Variants in ABCB11 observed in about 807,000 individuals in gnomAD.
The protein encoded by ABCB11 is ATP binding cassette subfamily B member 11.
A neutral mutation model predicts 148.0 loss-of-function variants in ABCB11; 95 were observed. The observed-to-expected ratio is 0.64, with a 90% confidence interval of 0.54 to 0.76. The LOEUF is 0.76. ABCB11 is among the 30% of genes least tolerant of loss of function. The pLI is 0.00. For missense variants in ABCB11, 1,523 were observed against 1,617.8 expected (o/e 0.94, Z 1.01); for synonymous variants, 591 against 555.4 (o/e 1.06, Z -0.90).
intron 3 of ABCB11, among the ~76,000 whole-genome samples, chr2:169,015,267 C>T (rs1695318311): frequency 6.6e-6 from 1 of 152,156 alleles, no homozygotes; most frequent in Non-Finnish European, 1.5e-5. Context: ...CCCTCTTCTC[C>T]TTAAGCCAGG....
chr2:168,964,583 G>A (rs1693216492), intron 17 of ABCB11, among the ~76,000 whole-genome samples: 1 of 150,308 alleles, frequency 6.7e-6, no homozygotes, highest in Non-Finnish European at 1.5e-5. Context: ...GAGCAAAGCT[G>A]TCCTACCAGT....
At chr2:168,928,512 T>C (rs949998399) in intron 25 of ABCB11, among the ~76,000 whole-genome samples, 83 of 152,306 alleles carry the variant, frequency 5.4e-4, no homozygotes, top group Middle Eastern at 3.4e-3. Context: ...AAAATGTTTG[T>C]AGAAATGTTT....
chr2:168,937,011 G>A (rs1691864083), intron 21 of ABCB11, among the ~76,000 whole-genome samples: 1 of 151,982 alleles, frequency 6.6e-6, no homozygotes, highest in African/African-American at 2.4e-5. Flanking sequence ...GCCCCAGCAT[G>A]CTAAGTAGCT....
intron 10 of ABCB11, 92 bp downstream of exon 10, chr2:168,986,018 G>T: frequency 9.6e-7 from 1 of 1,044,864 alleles, no homozygotes; most frequent in Non-Finnish European, 1.3e-6. Flanking sequence ...TTTTCCTGAA[G>T]GCACCAAAGT....
chr2:169,019,789 G>A lies in ABCB11; in HGVS notation c.-27-1637C>T, dbSNP rs532235066. Among the ~76,000 whole-genome samples the A allele has an allele frequency of 3.9e-5, 6 of 152,222 alleles. No homozygotes were observed. In the East Asian group the frequency reaches 5.8e-4, roughly 15 times the overall value. On this transcript the variant is annotated intron_variant, in intron 1 of 27. Transcript: ENST00000650372. ...CAGAAGTTTTCTCATCAGCAATAGA[G>A]GCTAGAAAACAGTGGCGTAATGTCT...
chr2:168,969,728 C>T (rs919959760), intron 15 of ABCB11, among the ~76,000 whole-genome samples, 177 bp from the exon 16 acceptor site: 2 of 152,068 alleles, frequency 1.3e-5, no homozygotes, highest in African/African-American at 4.8e-5. Context: ...TAAACCCCAA[C>T]ACACACTGGC....
Position 168,927,243 on chromosome 2 carries a change from T to A in ABCB11, c.3531A>T (p.Gly1177=). ...ACSIMDNIKY[G]DNTKEIPMER... ...CCATGGGAATTTCTTTGGTGTTGTC[T>A]CCATACTTGATATTGTCCATTATGC... The change falls in exon 26 of 28, where the codon GGA becomes GGT. Residue 1177 remains glycine, a synonymous_variant. Coordinates refer to ENST00000650372, the MANE Select transcript of ABCB11 (RefSeq NM_003742.4). The A allele has an allele frequency of 6.2e-7, 1 of 1,613,896 alleles. No individual in the cohort carries two copies. The highest frequency in any genetic ancestry group is 8.5e-7 in the Non-Finnish European group (1 of 1,179,802).
At chr2:168,954,912 T>C (rs112417696) in intron 19 of ABCB11, among the ~76,000 whole-genome samples, 20 of 151,874 alleles carry the variant, frequency 1.3e-4, no homozygotes, top group African/African-American at 4.8e-4. Context: ...TACTTAGTCC[T>C]AGACATCTCA....
intron 11 of ABCB11, among the ~76,000 whole-genome samples, 170 bp from the exon 12 acceptor site, chr2:168,976,857 T>A (rs1322392271): frequency 6.6e-6 from 1 of 151,688 alleles, no homozygotes; most frequent in Non-Finnish European, 1.5e-5. Flanking sequence ...TTATTGTGCC[T>A]CTTAGTTTGC....
intron 10 of ABCB11, among the ~76,000 whole-genome samples, chr2:168,982,511 T>C (rs1201794496): frequency 6.6e-6 from 1 of 152,076 alleles, no homozygotes; most frequent in East Asian, 1.9e-4. Flanking sequence ...TTCTGCACCA[T>C]TCAGGTCCCC....
intron 1 of ABCB11, among the ~76,000 whole-genome samples, chr2:169,026,341 G>C (rs1695693882): frequency 6.6e-6 from 1 of 152,174 alleles, no homozygotes; most frequent in Admixed American, 6.5e-5. Context: ...TACTTCAAAA[G>C]ATGTATACTC....
chr2:169,022,371 G>C (rs979223774), intron 1 of ABCB11, among the ~76,000 whole-genome samples: 4 of 151,888 alleles, frequency 2.6e-5, no homozygotes, highest in Non-Finnish European at 5.9e-5. Context: ...AATACTAATT[G>C]AAAATGGGAA....
intron 25 of ABCB11, among the ~76,000 whole-genome samples, chr2:168,930,189 C>T (rs1691504055): frequency 6.6e-6 from 1 of 152,222 alleles, no homozygotes; most frequent in Non-Finnish European, 1.5e-5. Context: ...ATTTATGGTA[C>T]ATGGCTCTCA....
chr2:168,946,504 G>A (rs1692329065), intron 19 of ABCB11, among the ~76,000 whole-genome samples: 1 of 151,554 alleles, frequency 6.6e-6, no homozygotes, highest in Non-Finnish European at 1.5e-5. Flanking sequence ...GGTAAAAGTG[G>A]GTTCAGAAAG....
chr2:168,955,857 C>A (rs116691959), intron 19 of ABCB11, among the ~76,000 whole-genome samples: 1,579 of 151,712 alleles, frequency 0.01, 26 homozygotes, highest in African/African-American at 0.035. Context: ...TTGGGTAAAT[C>A]CTTCTGTTCT....
rs1347441087 is a variant in ABCB11 at position 169,016,817 on chromosome 2, C to A, written c.77-18G>T. The A allele has an allele frequency of 1.3e-6, 2 of 1,571,496 alleles. No individual in the cohort carries two copies. Among genetic ancestry groups the A allele is most frequent in the South Asian group, 1.2e-5 (1 of 84,484 alleles). ...ATTATTATCTGTCAGAAAAAAAAAT[C>A]AACGCAAAAAAGCAGTTAATAATAA... On this transcript the variant is annotated intron_variant, in intron 2 of 27. Coordinates refer to ENST00000650372, the MANE Select transcript of ABCB11 (RefSeq NM_003742.4).
chr2:169,017,162 T>C (rs1321337697), intron 2 of ABCB11, among the ~76,000 whole-genome samples: 11 of 152,226 alleles, frequency 7.2e-5, no homozygotes, highest in African/African-American at 2.7e-4. Flanking sequence ...TTGATATTTA[T>C]TTATTGTCTG....
chr2:168,986,135 T>C lies in ABCB11; in HGVS notation c.1058A>G (p.Glu353Gly), dbSNP rs1694311289. ...YGSTLVLDEGEYTPGTLVQIF... is the reference protein window; with the variant it reads ...YGSTLVLDEGGYTPGTLVQIF... ...CTGGACAAGGGTTCCTGGTGTATATTCTCCTTCATCCAGGACAAGTGTGGA... is the reference window on the plus strand; with the variant it reads ...CTGGACAAGGGTTCCTGGTGTATATCCTCCTTCATCCAGGACAAGTGTGGA... Residue 353 changes from glutamate to glycine, a missense_variant, in exon 10 of 28, where the codon GAA becomes GGA. Physicochemically the swap from Glu to Gly is moderately conservative, Grantham distance 98. Coordinates refer to ENST00000650372, the MANE Select transcript of ABCB11 (RefSeq NM_003742.4). The C allele has an allele frequency of 6.2e-7, 1 of 1,611,234 alleles. No individual in the cohort carries two copies. Among genetic ancestry groups the C allele is most frequent in the Admixed American group, 1.7e-5 (1 of 59,714 alleles).
At chr2:168,969,575 T>C in intron 15 of ABCB11, 24 bp from the exon 16 acceptor site, 1 of 1,597,752 alleles carries the variant, frequency 6.3e-7, no homozygotes, top group Non-Finnish European at 8.6e-7. Context: ...CAGTGCACCA[T>C]TAAACAAAAC....
Sources: allele counts gnomAD v4.1 joint callset (sites outside exome capture counted in the v4.1 genomes callset), GRCh38; gene constraint gnomAD v4.1.1; transcripts MANE v1.5; gene names NCBI Gene and HGNC (gene_info 2026-07-23, HGNC 2026-07-21).